Variants in ATXN10 observed in about 807,000 individuals in gnomAD.
ATXN10 encodes ataxin-10.
Under a neutral mutation model 52.9 loss-of-function variants are expected in ATXN10, and 28 were observed. The ratio of observed to expected loss-of-function variants is 0.53; its 90% CI spans 0.39 to 0.73. The LOEUF (loss-of-function observed/expected upper bound fraction) is 0.73, where lower values mean the gene tolerates loss of function less well. Ranked by LOEUF, ATXN10 falls within the 30% of genes least tolerant of loss-of-function variation. The probability of loss-of-function intolerance (pLI) is 0.00; values close to 1 mark genes in which losing one functional copy is unlikely to be tolerated. For missense variants in ATXN10, 565 were observed against 577.0 expected, an observed-to-expected ratio of 0.98 and a Z score of 0.21; for synonymous variants, 226 against 221.5, an observed-to-expected ratio of 1.02 and a Z score of -0.18.
At chr22:45,777,585 T>A (rs1457974542) in intron 9 of ATXN10, among the ~76,000 whole-genome samples, 1 of 152,224 alleles carries the variant, frequency 6.6e-6, no homozygotes, top group South Asian at 2.1e-4. Context: ...GCTGTTTTCC[T>A]TATGAGAACA....
rs1923259261 is a variant in ATXN10 at position 45,688,972 on chromosome 22, A to G, written c.117-740A>G. 6.6e-6 allele frequency among the ~76,000 whole-genome samples: 1 copy of G among 152,184 alleles called. No individual in the cohort carries two copies. Among genetic ancestry groups the G allele is most frequent in the Admixed American group, 6.5e-5 (1 of 15,278 alleles). On this transcript the variant is annotated intron_variant, in intron 1 of 11. Coordinates refer to ENST00000252934, the MANE Select transcript of ATXN10 (RefSeq NM_013236.4). The surrounding 1 kb of genome is among the most constrained non-coding windows in gnomAD (Gnocchi z 4.0). ...AGCCAGTGCAGGCAGTACTCCTGGC[A>G]TGAGAGGCACGCAGAGACTGAGATG...
chr22:45,802,434 G>T (rs2239399), intron 9 of ATXN10, among the ~76,000 whole-genome samples: 29,205 of 152,204 alleles, frequency 0.19, 3,611 homozygotes, highest in East Asian at 0.5. Flanking sequence ...AAACAAAATT[G>T]TATCGTCAGT....
rs370604730 is a variant in ATXN10 at position 45,784,191 on chromosome 22, G to T, written c.1174-22768G>T. On this transcript the variant is annotated intron_variant, in intron 9 of 11. Transcript: ENST00000252934. This position sits in a 1 kb window ranked among gnomAD's most constrained non-coding sequence, Gnocchi z 4.2. ...TGTGGTACAATTTTTAAAAAAAAAT[G>T]TACATTTTTAAATTAGGCAGATCTG... 1.3e-5 allele frequency among the ~76,000 whole-genome samples: 2 copies of T among 152,068 alleles called. No individual in the cohort carries two copies. The highest frequency in any genetic ancestry group is 4.8e-5 in the African/African-American group (2 of 41,400).
intron 9 of ATXN10, among the ~76,000 whole-genome samples, chr22:45,798,636 C>T (rs1413652312): frequency 1.3e-5 from 2 of 152,196 alleles, no homozygotes; most frequent in South Asian, 2.1e-4. Flanking sequence ...TTTCTGCTCT[C>T]ACCACTCCAG....
intron 9 of ATXN10, among the ~76,000 whole-genome samples, chr22:45,801,472 A>G (rs1927929175): frequency 6.6e-6 from 1 of 152,216 alleles, no homozygotes; most frequent in Non-Finnish European, 1.5e-5. Flanking sequence ...GCCCACTGCT[A>G]AGTGGCACAA....
intron 7 of ATXN10, among the ~76,000 whole-genome samples, chr22:45,731,798 T>C (rs1477339725): frequency 6.6e-6 from 1 of 152,238 alleles, no homozygotes; most frequent in Non-Finnish European, 1.5e-5. Context: ...CTGTGCTTTG[T>C]CATATAGACC....
At chr22:45,698,325 G>T (rs1489306509) in intron 3 of ATXN10, among the ~76,000 whole-genome samples, 1 of 152,140 alleles carries the variant, frequency 6.6e-6, no homozygotes, top group Non-Finnish European at 1.5e-5. Context: ...TAGTCATCCT[G>T]GTGGGTGTGA....
chr22:45,708,238 A>G lies in ATXN10; in HGVS notation c.647+5391A>G, dbSNP rs1924114801. ...AACCCTAGATGAATCCAGGGATTCT[A>G]TTTTGAGTTCATCTAAATCTGAAAG... is the stretch of plus-strand genomic sequence containing the variant. On this transcript the variant is annotated intron_variant, in intron 5 of 11. Transcript: ENST00000252934. This position sits in a 1 kb window ranked among gnomAD's most constrained non-coding sequence, Gnocchi z 5.3. Among the ~76,000 whole-genome samples, 1 of 152,192 alleles carries G rather than the reference A, an allele frequency of 6.6e-6. No individual in the cohort carries two copies. The highest frequency in any genetic ancestry group is 2.1e-4 in the South Asian group (1 of 4,830).
In ATXN10 at chr22:45,805,263, T is replaced by G. The variant is rs1273258906; in HGVS notation, c.1174-1696T>G. On this transcript the variant is annotated intron_variant, in intron 9 of 11. Transcript: ENST00000252934. This position sits in a 1 kb window ranked among gnomAD's most constrained non-coding sequence, Gnocchi z 4.4. The stretch of plus-strand genomic sequence containing the variant: ...ACCCTCATAAATTGCTGGGTGAAAA[T>G]GTAAAATACTGTAAACACTGTGAAA... 6.6e-6 allele frequency among the ~76,000 whole-genome samples: 1 copy of G among 152,192 alleles called. No individual in the cohort carries two copies. Among genetic ancestry groups the G allele is most frequent in the Admixed American group, 6.5e-5 (1 of 15,280 alleles).
At chr22:45,829,458 T>C (rs1381523668) in intron 10 of ATXN10, among the ~76,000 whole-genome samples, 1 of 152,168 alleles carries the variant, frequency 6.6e-6, no homozygotes, top group African/African-American at 2.4e-5. Flanking sequence ...GATTATATGA[T>C]CTATGGGAAA....
In ATXN10 at chr22:45,782,962, A is replaced by G. The variant is rs182281298; in HGVS notation, c.1174-23997A>G. 2.2e-3 allele frequency among the ~76,000 whole-genome samples: 335 copies of G among 150,138 alleles called. 5 individuals carry two copies. The highest frequency in any genetic ancestry group is 7.4e-4 in the Non-Finnish European group (49 of 66,580). On this transcript the variant is annotated intron_variant, in intron 9 of 11. Coordinates refer to ENST00000252934, the MANE Select transcript of ATXN10 (RefSeq NM_013236.4). The stretch of plus-strand genomic sequence containing the variant: ...CAACGATAACTAATGGTAAACTAGA[A>G]CAATTACAACAACAATAGATTGCTT...
rs1236039215 is a variant in ATXN10 at position 45,708,943 on chromosome 22, T to A, written c.647+6096T>A. On this transcript the variant is annotated intron_variant, in intron 5 of 11. Transcript: ENST00000252934. This position sits in a 1 kb window ranked among gnomAD's most constrained non-coding sequence, Gnocchi z 5.3. ...CATGAGCCACCGTGCCCACCTAAAC[T>A]TTTATTAATCCATTGAACTTTTTAC... Among the ~76,000 whole-genome samples, 1 of 152,170 alleles carries A rather than the reference T, an allele frequency of 6.6e-6. No homozygotes were observed. Among genetic ancestry groups the A allele is most frequent in the African/African-American group, 2.4e-5 (1 of 41,434 alleles).
intron 9 of ATXN10, 71 bp downstream of exon 9, chr22:45,740,609 ACT>A: frequency 6.7e-7 from 1 of 1,499,992 alleles, no homozygotes; most frequent in African/African-American, 1.4e-5. Context: ...GAAGACATTC[ACT>A]CTTTTGGAGT....
rs533398552 is a variant in ATXN10, at chr22:45,762,445, G to A, written c.1173+21907G>A. On this transcript the variant is annotated intron_variant, in intron 9 of 11. Transcript: ENST00000252934. The surrounding 1 kb of genome is among the most constrained non-coding windows in gnomAD (Gnocchi z 4.3). The stretch of plus-strand genomic sequence containing the variant: ...ACCACAGCAGCAGGATTCTTTCCAC[G>A]GTGCATGTTCTGGCTGAGTGTTGGT... Among the ~76,000 whole-genome samples, 3 of 152,148 alleles carry A rather than the reference G, an allele frequency of 2.0e-5. No homozygotes were observed. The highest frequency in any genetic ancestry group is 6.5e-5 in the Admixed American group (1 of 15,282).
At chr22:45,749,098 A>G (rs1315979376) in intron 9 of ATXN10, among the ~76,000 whole-genome samples, 1 of 127,946 alleles carries the variant, frequency 7.8e-6, no homozygotes, top group Non-Finnish European at 1.7e-5. Context: ...AACCATTACT[A>G]TTGCAAACTA....
At chr22:45,806,819 G>A in intron 9 of ATXN10, 140 bp from the exon 10 acceptor site, 2 of 709,218 alleles carry the variant, frequency 2.8e-6, no homozygotes, top group Non-Finnish European at 5.0e-6. Context: ...TGTAGTTCTG[G>A]GTTGATATAG....
intron 9 of ATXN10, chr22:45,792,895 C>T: frequency 2.1e-6 from 1 of 484,240 alleles, no homozygotes; most frequent in Non-Finnish European, 4.2e-6. Flanking sequence ...TCTAAACTTG[C>T]ATTGGCTGTT....
Position 45,702,801 on chromosome 22 carries a change from AT to A in ATXN10, c.603del (p.Ile201MetfsTer4). The A allele has an allele frequency of 6.2e-7, 1 of 1,614,022 alleles. No individual in the cohort carries two copies. The highest frequency in any genetic ancestry group is 8.5e-7 in the Non-Finnish European group (1 of 1,179,994). On this transcript the variant is annotated frameshift_variant, in exon 5 of 12. Transcript: ENST00000252934. LOFTEE classifies it high-confidence loss of function. ...KELEENLNIA[I>X]DVIDAYQKHP... ...ACTGGAGGAGAACCTCAATATTGCA[AT>A]TGATGTCATAGATGCTTACCAAAAA...
rs1922903243 is a variant in ATXN10 at position 45,681,097 on chromosome 22, G to A, written c.117-8615G>A. On this transcript the variant is annotated intron_variant, in intron 1 of 11. Transcript: ENST00000252934. This position sits in a 1 kb window ranked among gnomAD's most constrained non-coding sequence, Gnocchi z 4.2. ...TATCCCTTGTTTAATCACTTTTGTG[G>A]TTAAAAGAGACCTTTGGGTCAGTCT... Among the ~76,000 whole-genome samples, 1 of 152,120 alleles carries A rather than the reference G, an allele frequency of 6.6e-6. No homozygotes were observed. Among genetic ancestry groups the A allele is most frequent in the Non-Finnish European group, 1.5e-5 (1 of 68,026 alleles).
Sources: gnomAD v4.1 joint callset for allele counts (sites outside exome capture counted in the v4.1 genomes callset) on GRCh38, gnomAD v4.1.1 for gene constraint, Gnocchi (gnomAD v3.1) non-coding constraint, MANE v1.5 for transcripts, NCBI Gene and HGNC (gene_info 2026-07-23, HGNC 2026-07-21) for gene names.